Variants in CDKAL1 observed in about 807,000 individuals in gnomAD.
The protein encoded by CDKAL1 is threonylcarbamoyladenosine tRNA methylthiotransferase.
A neutral mutation model predicts 68.2 loss-of-function variants in CDKAL1; 32 were observed. The observed-to-expected ratio is 0.47, with a 90% CI of 0.35 to 0.63. CDKAL1 has a LOEUF of 0.63. Ranked by LOEUF, CDKAL1 falls within the 30% of genes least tolerant of loss-of-function variation. CDKAL1 has a pLI of 0.00. For missense variants in CDKAL1, 606 were observed against 696.7 expected (o/e 0.87, Z 1.47); for synonymous variants, 234 against 244.3 (o/e 0.96, Z 0.39).
At chr6:20,957,953 A>G (rs1045493673) in intron 10 of CDKAL1, among the ~76,000 whole-genome samples, 4 of 148,860 alleles carry the variant, frequency 2.7e-5, no homozygotes, top group Non-Finnish European at 4.4e-5. Flanking sequence ...CCTGGGTGAC[A>G]AAGCAAGATT....
chr6:21,110,925 C>T (rs1172689236), intron 13 of CDKAL1, among the ~76,000 whole-genome samples: 1 of 152,160 alleles, frequency 6.6e-6, no homozygotes, highest in East Asian at 1.9e-4. Flanking sequence ...GCTATGACTG[C>T]ACCATTTTAC....
intron 8 of CDKAL1, among the ~76,000 whole-genome samples, chr6:20,826,497 T>G (rs1777507819): frequency 6.6e-6 from 1 of 152,196 alleles, no homozygotes; most frequent in South Asian, 2.1e-4. Flanking sequence ...CCTATCTCCC[T>G]TCTTTATTTT....
chr6:20,921,772 G>A (rs1048395568), intron 9 of CDKAL1, among the ~76,000 whole-genome samples: 1 of 152,152 alleles, frequency 6.6e-6, no homozygotes, highest in Admixed American at 6.5e-5. Context: ...TTTACTTTCT[G>A]TAGTTCTTAT....
chr6:20,923,462 A>G (rs892134845), intron 9 of CDKAL1, among the ~76,000 whole-genome samples: 2 of 152,110 alleles, frequency 1.3e-5, no homozygotes, highest in Admixed American at 1.3e-4. Flanking sequence ...ATCTGTGATC[A>G]ATGATCTTTG....
intron 4 of CDKAL1, among the ~76,000 whole-genome samples, chr6:20,577,014 T>A (rs1764942166): frequency 6.6e-6 from 1 of 152,220 alleles, no homozygotes; most frequent in African/African-American, 2.4e-5. Context: ...TATTTTGAAA[T>A]CTTGGTAGGC....
chr6:20,570,353 C>T lies in CDKAL1; in HGVS notation c.286+21648C>T, dbSNP rs113343488. 6.5e-3 allele frequency among the ~76,000 whole-genome samples: 987 copies of T among 152,132 alleles called. 10 individuals carry two copies. Among genetic ancestry groups the T allele is most frequent in the African/African-American group, 0.022 (900 of 41,456 alleles). The stretch of plus-strand genomic sequence containing the variant: ...TCTTGACCCCATGATCCATCCACCT[C>T]GGCCTCCCAAAGTGCTGGGATTACA... On this transcript the variant is annotated intron_variant, in intron 4 of 15. Coordinates refer to ENST00000274695, the MANE Select transcript of CDKAL1 (RefSeq NM_017774.3).
chr6:21,092,688 A>C (rs1482973283), intron 12 of CDKAL1, among the ~76,000 whole-genome samples: 1 of 152,032 alleles, frequency 6.6e-6, no homozygotes, highest in African/African-American at 2.4e-5. Flanking sequence ...TGAGAGAGAA[A>C]ATAAAAAATA....
intron 5 of CDKAL1, among the ~76,000 whole-genome samples, chr6:20,713,112 G>C (rs1453773093): frequency 2.0e-5 from 3 of 152,136 alleles, no homozygotes; most frequent in Non-Finnish European, 4.4e-5. Context: ...AAACTAGGAT[G>C]ACTTTAATTA....
chr6:21,098,697 A>G (rs1467934104), intron 12 of CDKAL1, among the ~76,000 whole-genome samples: 2 of 152,122 alleles, frequency 1.3e-5, no homozygotes, highest in Non-Finnish European at 2.9e-5. Context: ...CTGGAAGCAC[A>G]TAGTTGAGTG....
rs1261376105 is a variant in CDKAL1 at position 20,781,271 on chromosome 6, C to A, written c.638+6C>A. On this transcript the variant is annotated splice_donor_region_variant and intron_variant, in intron 8 of 15. Coordinates refer to ENST00000274695, the MANE Select transcript of CDKAL1 (RefSeq NM_017774.3). ...ATCATTTCCATCAATACCGGGTAAG[C>A]ATCTCTCAAACTTGCTCATAAAATA... is the stretch of plus-strand genomic sequence containing the variant. 6.2e-7 allele frequency: 1 copy of A among 1,604,904 alleles called. No homozygotes were observed. Among genetic ancestry groups the A allele is most frequent in the East Asian group, 2.2e-5 (1 of 44,580 alleles).
chr6:20,958,143 C>G lies in CDKAL1; in HGVS notation c.909+2558C>G, dbSNP rs1247548658. Among the ~76,000 whole-genome samples the G allele has an allele frequency of 3.3e-5, 5 of 152,304 alleles. No homozygotes were observed. The East Asian group carries it at 7.7e-4, about 24-fold the overall frequency. ...TCCCCACAGAAAGCCACCCACTACT[C>G]TGCACTTTATGTGCAGGAGGTAATC... On this transcript the variant is annotated intron_variant, in intron 10 of 15. Transcript: ENST00000274695.
At chr6:21,216,924 A>G (rs1335063270) in intron 15 of CDKAL1, among the ~76,000 whole-genome samples, 1 of 152,112 alleles carries the variant, frequency 6.6e-6, no homozygotes, top group Non-Finnish European at 1.5e-5. Context: ...CAGAGTGTAC[A>G]GCTCCCACCT....
intron 15 of CDKAL1, among the ~76,000 whole-genome samples, chr6:21,206,284 A>G (rs1778933484): frequency 6.6e-6 from 1 of 152,258 alleles, no homozygotes; most frequent in African/African-American, 2.4e-5. Context: ...AGAGAGAGGG[A>G]AAAAAATGAG....
At chr6:20,639,781 C>G (rs779275099) in intron 4 of CDKAL1, among the ~76,000 whole-genome samples, 1 of 152,192 alleles carries the variant, frequency 6.6e-6, no homozygotes, top group African/African-American at 2.4e-5. Context: ...AGTGATTCTT[C>G]TGCCTCAGCC....
intron 9 of CDKAL1, among the ~76,000 whole-genome samples, chr6:20,883,504 T>G (rs972743090): frequency 2.0e-5 from 3 of 152,216 alleles, no homozygotes; most frequent in Non-Finnish European, 2.9e-5. Context: ...CTGTTGAACA[T>G]TTAAATATGT....
chr6:20,734,276 A>G (rs1419342686), intron 5 of CDKAL1, among the ~76,000 whole-genome samples: 1 of 152,136 alleles, frequency 6.6e-6, no homozygotes. Context: ...TGCTCTAGAA[A>G]AGGGTACCTC....
At chr6:20,591,839 G>T (rs1417639693) in intron 4 of CDKAL1, among the ~76,000 whole-genome samples, 1 of 152,162 alleles carries the variant, frequency 6.6e-6, no homozygotes, top group Non-Finnish European at 1.5e-5. Context: ...GCTTAGGTTT[G>T]TCTTGGCTAT....
At chr6:20,569,807 T>G (rs919863183) in intron 4 of CDKAL1, among the ~76,000 whole-genome samples, 9 of 152,214 alleles carry the variant, frequency 5.9e-5, no homozygotes, top group South Asian at 2.1e-4. Flanking sequence ...TCTAAGTCAC[T>G]CCTTTTTGAG....
intron 5 of CDKAL1, among the ~76,000 whole-genome samples, chr6:20,694,887 A>G (rs988703868): frequency 1.3e-5 from 2 of 152,098 alleles, no homozygotes; most frequent in Non-Finnish European, 2.9e-5. Flanking sequence ...GGAGAGAGCT[A>G]GTGGTTAAAA....
Sources: gnomAD v4.1 joint callset for allele counts (sites outside exome capture counted in the v4.1 genomes callset) on GRCh38, gnomAD v4.1.1 for gene constraint, MANE v1.5 for transcripts, NCBI Gene and HGNC (gene_info 2026-07-23, HGNC 2026-07-21) for gene names.